SUGCT: variants seen among roughly 807,000 people sequenced by gnomAD.
SUGCT encodes the protein succinyl-CoA:glutarate CoA-transferase.
In SUGCT, 41 loss-of-function variants were observed where a neutral mutation model predicts 55.0. The observed-to-expected ratio is 0.74, with a 90% CI of 0.58 to 0.97. The LOEUF is 0.97. Ranked by LOEUF, SUGCT falls within the 50% of genes least tolerant of loss-of-function variation. SUGCT has a pLI of 0.00. For missense variants in SUGCT, 568 were observed against 547.8 expected (o/e 1.04, Z -0.37); for synonymous variants, 187 against 200.4 (o/e 0.93, Z 0.56).
At chr7:40,948,433 CATGATGATGATGATG>C in the SUGCT span, among the ~76,000 whole-genome samples, 39 of 149,100 alleles carry the variant, frequency 2.6e-4, no homozygotes, top group South Asian at 4.3e-4. Flanking sequence ...CCCTGAAAAA[CATGATGATGATGATG>C]ATGATGATGA....
At chr7:40,490,964 G>T (rs1184171487) in intron 11 of SUGCT, among the ~76,000 whole-genome samples, 1 of 152,154 alleles carries the variant, frequency 6.6e-6, no homozygotes, top group Non-Finnish European at 1.5e-5. Flanking sequence ...CCTTCTCTCA[G>T]TGTCTGGGTC....
At chr7:40,973,883 TC>T in the SUGCT span, among the ~76,000 whole-genome samples, 24 of 152,330 alleles carry the variant, frequency 1.6e-4, no homozygotes, top group Non-Finnish European at 2.6e-4. Context: ...CTCTCTTTCA[TC>T]CCCCAGTAGT....
chr7:40,337,855 A>C (rs1796804654), intron 9 of SUGCT, among the ~76,000 whole-genome samples: 1 of 151,888 alleles, frequency 6.6e-6, no homozygotes, highest in Non-Finnish European at 1.5e-5. Context: ...GGTGGTCTTT[A>C]CAATTTGGCA....
chr7:40,511,412 ATGCTGTG>A (rs1792924452), intron 12 of SUGCT, among the ~76,000 whole-genome samples: 2 of 152,190 alleles, frequency 1.3e-5, no homozygotes, highest in South Asian at 4.1e-4. Context: ...TGACACTTGT[ATGCTGTG>A]TGGGATCCTA....
At position 40,590,814 on chromosome 7, in the gene SUGCT, C is replaced by T. The variant is rs1055060639; in HGVS notation, c.1089+94428C>T. Among the ~76,000 whole-genome samples the T allele has an allele frequency of 5.9e-5, 9 of 152,212 alleles. No homozygotes were observed. The East Asian group carries it at 1.4e-3, about 23-fold the overall frequency. On this transcript the variant is annotated intron_variant, in intron 12 of 13. Transcript: ENST00000335693. ...TGTCAAATCTACCTTGCCTGTGCTCCGTACATGGAACAACAAAGCCTGGAT... is the reference window on the plus strand; with the variant it reads ...TGTCAAATCTACCTTGCCTGTGCTCTGTACATGGAACAACAAAGCCTGGAT...
At chr7:40,667,263 A>C (rs967789116) in intron 12 of SUGCT, among the ~76,000 whole-genome samples, 1 of 152,138 alleles carries the variant, frequency 6.6e-6, no homozygotes, top group African/African-American at 2.4e-5. Context: ...ATTGATTTGC[A>C]TATGTTAAGC....
chr7:40,309,877 T>C (rs1051448715), intron 8 of SUGCT, among the ~76,000 whole-genome samples: 2 of 98,266 alleles, frequency 2.0e-5, no homozygotes, highest in African/African-American at 8.4e-5. Context: ...TATTGAATTA[T>C]AACCAAAAAA....
intron 12 of SUGCT, among the ~76,000 whole-genome samples, chr7:40,576,787 G>A (rs1378481164): frequency 6.6e-6 from 1 of 152,176 alleles, no homozygotes; most frequent in Non-Finnish European, 1.5e-5. Context: ...TGCTCTGGTT[G>A]TAGTAGGGGA....
intron 12 of SUGCT, among the ~76,000 whole-genome samples, chr7:40,542,522 C>G (rs1480706727): frequency 6.6e-6 from 1 of 152,042 alleles, no homozygotes; most frequent in Non-Finnish European, 1.5e-5. Flanking sequence ...TCCCATAGTA[C>G]TGATTAGTTT....
At chr7:40,523,340 A>G (rs79941336) in intron 12 of SUGCT, among the ~76,000 whole-genome samples, 4,183 of 152,208 alleles carry the variant, frequency 0.027, 193 homozygotes, top group African/African-American at 0.097. Context: ...AAATAATTAG[A>G]AAGTCTTATG....
intron 7 of SUGCT, among the ~76,000 whole-genome samples, chr7:40,272,195 C>T (rs957671323): frequency 4.8e-4 from 39 of 82,052 alleles, no homozygotes; most frequent in African/African-American, 2.1e-3. Context: ...TATATATATA[C>T]AGGGTCTCAG....
chr7:41,015,828 A>C, the SUGCT span, among the ~76,000 whole-genome samples: 3 of 152,134 alleles, frequency 2.0e-5, no homozygotes, highest in African/African-American at 7.2e-5. Context: ...TATCCCCCAA[A>C]TATTTTTCTT....
the SUGCT span, among the ~76,000 whole-genome samples, chr7:40,889,363 C>T: frequency 3.9e-5 from 6 of 152,174 alleles, no homozygotes; most frequent in African/African-American, 1.4e-4. Flanking sequence ...TCTGTGGATC[C>T]ACCTTGCTGG....
At chr7:40,255,258 GAT>G (rs1052287098) in intron 7 of SUGCT, among the ~76,000 whole-genome samples, 21 of 150,206 alleles carry the variant, frequency 1.4e-4, no homozygotes, top group African/African-American at 5.1e-4. Context: ...TCCTGGAAAG[GAT>G]ATGTCTTCAG....
Position 40,360,163 on chromosome 7 carries a change from G to A in SUGCT, c.816+43308G>A, listed in dbSNP as rs185726546. Among the ~76,000 whole-genome samples, 612 of 152,166 alleles carry A rather than the reference G, an allele frequency of 4.0e-3. 2 individuals carry two copies. The highest frequency in any genetic ancestry group is 0.014 in the African/African-American group (585 of 41,514). On this transcript the variant is annotated intron_variant, in intron 9 of 13. Coordinates refer to ENST00000335693, the MANE Select transcript of SUGCT (RefSeq NM_001193313.2). ...CAAGTAGCTGGGATTACAGGCACCC[G>A]CCACCACACCTGGCTAATTTTTGTA...
At chr7:41,034,818 A>C in the SUGCT span, among the ~76,000 whole-genome samples, 3 of 152,144 alleles carry the variant, frequency 2.0e-5, no homozygotes, top group Non-Finnish European at 4.4e-5. Flanking sequence ...ACAGAAGGCA[A>C]ACCTTACTTC....
intron 13 of SUGCT, among the ~76,000 whole-genome samples, chr7:40,781,864 C>T (rs943381217): frequency 2.6e-5 from 4 of 151,928 alleles, no homozygotes; most frequent in East Asian, 1.9e-4. Context: ...GCTTGTTATT[C>T]GTCTAAAATT....
rs117583556 is a variant in SUGCT at position 40,478,604 on chromosome 7, A to G, written c.987-17680A>G. Among the ~76,000 whole-genome samples, 1,251 of 152,252 alleles carry G rather than the reference A, an allele frequency of 8.2e-3. 48 individuals carry two copies. Among genetic ancestry groups the G allele is most frequent in the Admixed American group, 0.059 (901 of 15,274 alleles). ...GTGTTGTGATTTGATATACATATGCATTTTGAAGTAATCACCACAATCAAG... is the reference window on the plus strand; with the variant it reads ...GTGTTGTGATTTGATATACATATGCGTTTTGAAGTAATCACCACAATCAAG... On this transcript the variant is annotated intron_variant, in intron 11 of 13. Coordinates refer to ENST00000335693, the MANE Select transcript of SUGCT (RefSeq NM_001193313.2).
intron 13 of SUGCT, among the ~76,000 whole-genome samples, chr7:40,811,157 A>C (rs1253531760): frequency 6.6e-6 from 1 of 151,994 alleles, no homozygotes; most frequent in East Asian, 1.9e-4. Flanking sequence ...TGTTTTTGTT[A>C]GTTACTGTAG....
Sources: gnomAD v4.1 joint callset for allele counts (sites outside exome capture counted in the v4.1 genomes callset) on GRCh38, gnomAD v4.1.1 for gene constraint, MANE v1.5 for transcripts, NCBI Gene and HGNC (gene_info 2026-07-23, HGNC 2026-07-21) for gene names.